Variants in GALNT10 observed in about 807,000 individuals in gnomAD.
GALNT10 encodes the protein GalNAc transferase 10.
A neutral mutation model predicts 75.0 loss-of-function variants in GALNT10; 41 were observed. The ratio of observed to expected loss-of-function variants is 0.55; its 90% CI spans 0.43 to 0.71. The LOEUF (loss-of-function observed/expected upper bound fraction) is 0.71. Ranked by LOEUF, GALNT10 falls within the 30% of genes least tolerant of loss-of-function variation. The pLI is 0.00. For missense variants in GALNT10, 727 were observed against 818.5 expected, an observed-to-expected ratio of 0.89 and a Z score of 1.36; for synonymous variants, 302 against 313.0, an observed-to-expected ratio of 0.96 and a Z score of 0.37.
chr5:154,395,022 C>T (rs1235028332), intron 7 of GALNT10, among the ~76,000 whole-genome samples: 2 of 152,224 alleles, frequency 1.3e-5, no homozygotes, highest in Non-Finnish European at 2.9e-5. Flanking sequence ...GTGGAGCCTG[C>T]TTCTCCCACC....
intron 4 of GALNT10, among the ~76,000 whole-genome samples, chr5:154,334,370 T>A (rs944864585): frequency 3.3e-5 from 5 of 152,216 alleles, no homozygotes; most frequent in African/African-American, 1.2e-4. Context: ...GCTCTTCAAA[T>A]GCATGAGCTT....
chr5:154,381,154 A>G (rs2113179027), intron 6 of GALNT10, among the ~76,000 whole-genome samples: 1 of 152,298 alleles, frequency 6.6e-6, no homozygotes, highest in Non-Finnish European at 1.5e-5. Context: ...GTACTGCTAT[A>G]CCCACTTGGA....
At chr5:154,350,070 TA>T (rs1266286110) in intron 4 of GALNT10, among the ~76,000 whole-genome samples, 1 of 152,264 alleles carries the variant, frequency 6.6e-6, no homozygotes, top group East Asian at 1.9e-4. Context: ...CGGACAGCCC[TA>T]CTCTAGAGAC....
chr5:154,316,669 C>T (rs1300604511), intron 3 of GALNT10, among the ~76,000 whole-genome samples: 1 of 152,228 alleles, frequency 6.6e-6, no homozygotes, highest in Non-Finnish European at 1.5e-5. Flanking sequence ...CAGCTTGTTT[C>T]CTGCCATTTT....
intron 3 of GALNT10, among the ~76,000 whole-genome samples, chr5:154,315,162 C>A (rs1342055713): frequency 2.0e-5 from 3 of 152,162 alleles, no homozygotes; most frequent in South Asian, 2.1e-4. Context: ...AGCTGTAGTA[C>A]AACTTTTGGA....
intron 1 of GALNT10, among the ~76,000 whole-genome samples, chr5:154,258,917 A>C (rs963678085): frequency 6.6e-6 from 1 of 152,088 alleles, no homozygotes; most frequent in African/African-American, 2.4e-5. Context: ...TTAAAAAAAA[A>C]CTCTTAATTT....
chr5:154,277,855 T>C (rs748646664), intron 1 of GALNT10, among the ~76,000 whole-genome samples: 57 of 152,352 alleles, frequency 3.7e-4, no homozygotes, highest in Admixed American at 1.4e-3. Context: ...TTCTGGCTTC[T>C]GAGAATTTGT....
chr5:154,347,318 A>G (rs1755139479), intron 4 of GALNT10: 2 of 438,700 alleles, frequency 4.6e-6, no homozygotes, highest in Non-Finnish European at 8.7e-6. Context: ...ATACACTATT[A>G]TGCACTACTT....
chr5:154,342,540 T>A (rs965372013), intron 4 of GALNT10, among the ~76,000 whole-genome samples: 1 of 152,178 alleles, frequency 6.6e-6, no homozygotes, highest in East Asian at 1.9e-4. Flanking sequence ...TTTGATAGAG[T>A]TGAAAAGATC....
chr5:154,405,130 G>A (rs1756246718), intron 8 of GALNT10, among the ~76,000 whole-genome samples: 1 of 152,344 alleles, frequency 6.6e-6, no homozygotes, highest in Non-Finnish European at 1.5e-5. Flanking sequence ...CCGGCCAGGA[G>A]ACCCCGGTGC....
chr5:154,257,624 G>A (rs1397285868), intron 1 of GALNT10, among the ~76,000 whole-genome samples: 2 of 150,372 alleles, frequency 1.3e-5, no homozygotes, highest in Non-Finnish European at 2.9e-5. Context: ...AGTGAGCCGA[G>A]ATCGCACCAC....
At chr5:154,329,839 G>T in intron 4 of GALNT10, 101 bp downstream of exon 4, 2 of 735,090 alleles carry the variant, frequency 2.7e-6, no homozygotes, top group Non-Finnish European at 2.3e-6. Flanking sequence ...CAACATATAG[G>T]CCATCATTGG....
intron 7 of GALNT10, chr5:154,393,034 G>A (rs545213963): frequency 8.0e-5 from 6 of 75,136 alleles, no homozygotes; most frequent in Admixed American, 6.3e-4. Context: ...AAAATATTAC[G>A]TAAAATAAAT....
intron 1 of GALNT10, among the ~76,000 whole-genome samples, chr5:154,263,450 T>A (rs1433185773): frequency 2.0e-5 from 3 of 152,074 alleles, no homozygotes; most frequent in African/African-American, 7.2e-5. Flanking sequence ...AATAGGCAAA[T>A]CCCTGGAGAT....
chr5:154,229,606 G>T (rs543837387), intron 1 of GALNT10, among the ~76,000 whole-genome samples: 1 of 152,222 alleles, frequency 6.6e-6, no homozygotes, highest in Non-Finnish European at 1.5e-5. Flanking sequence ...GGTGGCGGGT[G>T]CCTGTAGTCC....
intron 4 of GALNT10, among the ~76,000 whole-genome samples, chr5:154,370,556 C>T (rs376388620): frequency 6.6e-6 from 1 of 152,084 alleles, no homozygotes; most frequent in Admixed American, 6.5e-5. Flanking sequence ...AGGACGAGCA[C>T]GGGCAGAGAA....
intron 5 of GALNT10, among the ~76,000 whole-genome samples, chr5:154,378,123 C>T (rs1465986121): frequency 6.6e-6 from 1 of 152,136 alleles, no homozygotes; most frequent in Non-Finnish European, 1.5e-5. Context: ...GAAATGTGAA[C>T]CAGTGATGTA....
intron 4 of GALNT10, among the ~76,000 whole-genome samples, chr5:154,355,593 G>T (rs1439021528): frequency 1.3e-5 from 2 of 152,244 alleles, no homozygotes; most frequent in African/African-American, 2.4e-5. Context: ...CATGTTTGAG[G>T]CAGCAGCTGC....
chr5:154,211,849 G>A (rs920421461), intron 1 of GALNT10, among the ~76,000 whole-genome samples: 2 of 152,104 alleles, frequency 1.3e-5, no homozygotes, highest in African/African-American at 4.8e-5. Flanking sequence ...ACTTTCCCCA[G>A]AGCACACCAT....
Sources: gnomAD v4.1 joint callset for allele counts (sites outside exome capture counted in the v4.1 genomes callset) on GRCh38, gnomAD v4.1.1 for gene constraint, MANE v1.5 for transcripts, NCBI Gene and HGNC (gene_info 2026-07-23, HGNC 2026-07-21) for gene names.